PPM1B: variants seen among roughly 807,000 people sequenced by gnomAD.
The protein encoded by PPM1B is protein phosphatase 1B.
Under a neutral mutation model 43.0 loss-of-function variants are expected in PPM1B, and 22 were observed. The ratio of observed to expected loss-of-function variants is 0.51; its 90% CI spans 0.37 to 0.73. The LOEUF (loss-of-function observed/expected upper bound fraction) is 0.73. PPM1B is among the 30% of genes least tolerant of loss of function. The pLI, the probability that PPM1B is intolerant of heterozygous loss-of-function variation, is 0.00. For missense variants in PPM1B, 632 were observed against 584.2 expected, an observed-to-expected ratio of 1.08 and a Z score of -0.84; for synonymous variants, 217 against 197.9, an observed-to-expected ratio of 1.10 and a Z score of -0.81.
intron 1 of PPM1B, among the ~76,000 whole-genome samples, chr2:44,174,309 C>A (rs1011496988): frequency 3.9e-5 from 6 of 152,174 alleles, no homozygotes; most frequent in Non-Finnish European, 8.8e-5. Flanking sequence ...TAAATCCGAT[C>A]TCATACTTAG....
At chr2:44,212,628 AT>A (rs932220267) in intron 3 of PPM1B, among the ~76,000 whole-genome samples, 6 of 151,074 alleles carry the variant, frequency 4.0e-5, no homozygotes, top group African/African-American at 9.7e-5. Flanking sequence ...TGTTTCATCT[AT>A]TTTTTTTTAT....
intron 2 of PPM1B, among the ~76,000 whole-genome samples, chr2:44,204,935 T>A (rs139519153): frequency 6.6e-6 from 1 of 151,866 alleles, no homozygotes; most frequent in African/African-American, 2.4e-5. Flanking sequence ...AAGTGTTGTA[T>A]GACTGTGGTC....
intron 3 of PPM1B, among the ~76,000 whole-genome samples, chr2:44,211,653 G>A (rs143531754): frequency 6.6e-6 from 1 of 150,482 alleles, no homozygotes; most frequent in East Asian, 2.0e-4. Context: ...ATAACCTATT[G>A]CTCATTAAGA....
chr2:44,181,825 A>G (rs557420341), intron 1 of PPM1B, among the ~76,000 whole-genome samples: 1 of 152,352 alleles, frequency 6.6e-6, no homozygotes, highest in African/African-American at 2.4e-5. Context: ...AAGTCAGTGT[A>G]GACATAGCTT....
At chr2:44,214,464 G>T (rs977290645) in intron 3 of PPM1B, among the ~76,000 whole-genome samples, 4 of 149,642 alleles carry the variant, frequency 2.7e-5, no homozygotes, top group South Asian at 2.1e-4. Context: ...TTTCGGGGGT[G>T]GGGGGGGCAT....
At chr2:44,207,363 A>G (rs563156296) in intron 2 of PPM1B, among the ~76,000 whole-genome samples, 3 of 152,322 alleles carry the variant, frequency 2.0e-5, no homozygotes, top group African/African-American at 7.2e-5. Context: ...TTTGGCAAAC[A>G]CTATCAGACA....
downstream of PPM1B, chr2:44,232,207 C>T: frequency 6.8e-7 from 1 of 1,472,496 alleles, no homozygotes; most frequent in Non-Finnish European, 9.2e-7. Flanking sequence ...CCTTTTCAGA[C>T]AAAGAAAGGA....
intron 1 of PPM1B, among the ~76,000 whole-genome samples, chr2:44,191,725 TTC>T (rs938196038): frequency 2.2e-4 from 33 of 152,158 alleles, no homozygotes; most frequent in Non-Finnish European, 4.4e-5. Context: ...TAACCAACAA[TTC>T]TCCAGGAAAT....
chr2:44,218,281 G>T (rs1285625545), intron 4 of PPM1B, among the ~76,000 whole-genome samples, 199 bp from the exon 5 acceptor site: 1 of 152,132 alleles, frequency 6.6e-6, no homozygotes, highest in Non-Finnish European at 1.5e-5. Context: ...TGAGTATGAA[G>T]GTCCTTCTTT....
chr2:44,232,613 G>A, downstream of PPM1B: 1 of 1,261,416 alleles, frequency 7.9e-7, no homozygotes, highest in Non-Finnish European at 1.0e-6. Context: ...CTAGAAACCA[G>A]TGGAGTTATT....
chr2:44,202,157 A>G (rs1431868961), intron 2 of PPM1B, 112 bp downstream of exon 2: 3 of 1,100,506 alleles, frequency 2.7e-6, no homozygotes, highest in African/African-American at 1.6e-5. Context: ...CAGAAGCTGT[A>G]TATTTTGAAG....
intron 5 of PPM1B, among the ~76,000 whole-genome samples, chr2:44,219,742 G>A (rs867314627): frequency 6.6e-6 from 1 of 151,958 alleles, no homozygotes; most frequent in African/African-American, 2.4e-5. Context: ...TTGGGAGTTC[G>A]AGACCAGCCT....
rs144407474 is a variant in PPM1B at position 44,210,127 on chromosome 2, C to T, written c.964+800C>T. Among the ~76,000 whole-genome samples the T allele has an allele frequency of 3.2e-3, 492 of 152,098 alleles. 1 individual carries two copies. Among genetic ancestry groups the T allele is most frequent in the African/African-American group, 0.011 (477 of 41,496 alleles). On this transcript the variant is annotated intron_variant, in intron 3 of 5. Transcript: ENST00000282412. ...GGTTAATTATCATTGGAATTCATTA[C>T]GGTATCCTTTCCCTTTTATTGATAG...
Position 44,199,962 on chromosome 2 carries a change from C to T in PPM1B, c.-14-1224C>T, listed in dbSNP as rs186233894. Among the ~76,000 whole-genome samples, 3 of 152,014 alleles carry T rather than the reference C, an allele frequency of 2.0e-5. No homozygotes were observed. The East Asian group carries it at 5.8e-4, about 29-fold the overall frequency. Reference sequence around the variant, plus strand: ...ACCTGGAAAAAATCTCACAAAGATACGTAGACCCAAATGGAGGTAAATTGA... The same window carrying T: ...ACCTGGAAAAAATCTCACAAAGATATGTAGACCCAAATGGAGGTAAATTGA... On this transcript the variant is annotated intron_variant, in intron 1 of 5. Coordinates refer to ENST00000282412, the MANE Select transcript of PPM1B (RefSeq NM_002706.6).
chr2:44,201,853 A>T lies in PPM1B; in HGVS notation c.654A>T (p.Gln218His), dbSNP rs755986113. 1 of 1,614,206 alleles carries T rather than the reference A, an allele frequency of 6.2e-7. No homozygotes were observed. Reference sequence around the variant, plus strand: ...TTGATGGCAAGGGCCCAACAGAACAACTTGTTTCTCCAGAGCCTGAGGTTT... The same window carrying T: ...TTGATGGCAAGGGCCCAACAGAACATCTTGTTTCTCCAGAGCCTGAGGTTT... ...KCVDGKGPTE[Q>H]LVSPEPEVYE... Residue 218 changes from glutamine to histidine, a missense_variant, in exon 2 of 6, where the codon CAA becomes CAT. Physicochemically the swap from Gln to His is conservative, Grantham distance 24. Around this residue, in one of 3 missense-constraint regions of PPM1B, gnomAD observed 40 missense variants for 80.8 expected, o/e 0.50. Transcript: ENST00000282412. The surrounding 1 kb of genome is among the most constrained non-coding windows in gnomAD (Gnocchi z 5.4).
downstream of PPM1B, among the ~76,000 whole-genome samples, chr2:44,236,055 A>C (rs1341187292): frequency 1.3e-5 from 2 of 151,992 alleles, no homozygotes; most frequent in Non-Finnish European, 2.9e-5. Context: ...TAATTTCTTA[A>C]TGCTAAAAGT....
In PPM1B at chr2:44,228,187, C is replaced by CTTTTTTT; in HGVS notation, c.1135-2212_1135-2206dup. On this transcript the variant is annotated intron_variant, in intron 5 of 5. Transcript: ENST00000282412. ...TCCACCCGCCTCAGCCTAACAAGCC[C>CTTTTTTT]TTTTTTTTTTTTTTTTTTTTAAGAG... Among the ~76,000 whole-genome samples, 2 of 115,174 alleles carry CTTTTTTT rather than the reference C, an allele frequency of 1.7e-5. 1 individual carries two copies. Among genetic ancestry groups the CTTTTTTT allele is most frequent in the Non-Finnish European group, 3.4e-5 (2 of 59,106 alleles). 75.6% of individuals were successfully genotyped at this position (115,174 alleles called of 152,430 possible). A position where few individuals can be genotyped will look rare whatever the true frequency, so the allele number is the denominator to read the frequency against.
At position 44,225,597 on chromosome 2, in the gene PPM1B, A is replaced by T. The variant is rs368915902; in HGVS notation, c.1135-4816A>T. 2.0e-4 allele frequency among the ~76,000 whole-genome samples: 31 copies of T among 152,356 alleles called. No individual in the cohort carries two copies. In the South Asian group the frequency reaches 6.4e-3, roughly 32 times the overall value. Reference sequence around the variant, plus strand: ...CTCAATTTAGTGATTCTGTAATGTCAGCCATTGCAAATCCGTGTCTACTTG... The same window carrying T: ...CTCAATTTAGTGATTCTGTAATGTCTGCCATTGCAAATCCGTGTCTACTTG... On this transcript the variant is annotated intron_variant, in intron 5 of 5. Transcript: ENST00000282412.
Position 44,241,287 on chromosome 2 carries a change from G to A in PPM1B, n.1547-2941G>A, listed in dbSNP as rs943363289. ...CAAAGTGCTGGGATTACAGGTGTGA[G>A]CCACCGTGCCCGGCCAGGAAGCATC... On this transcript the variant is annotated intron_variant and non_coding_transcript_variant, in intron 5 of 5. Coordinates refer to the PPM1B transcript ENST00000378540. Among the ~76,000 whole-genome samples, 6 of 143,960 alleles carry A rather than the reference G, an allele frequency of 4.2e-5. 2 individuals are homozygous for A. The highest frequency in any genetic ancestry group is 9.3e-5 in the Non-Finnish European group (6 of 64,590). The allele number at this position is 143,960 out of a possible 152,430, so 94.4% of individuals were successfully genotyped here. A position where few individuals can be genotyped will look rare whatever the true frequency, so the allele number is the denominator to read the frequency against.
Sources: allele counts gnomAD v4.1 joint callset (sites outside exome capture counted in the v4.1 genomes callset), GRCh38; gene constraint gnomAD v4.1.1; regional missense constraint gnomAD v4.1.1; non-coding constraint Gnocchi (gnomAD v3.1); transcripts MANE v1.5; gene names NCBI Gene and HGNC (gene_info 2026-07-23, HGNC 2026-07-21).